Variants in ABL1 observed in about 807,000 individuals in gnomAD.
ABL1 encodes the protein ABL proto-oncogene 1, non-receptor tyrosine kinase, also known as tyrosine-protein kinase ABL1.
ABL1 carries 11 observed loss-of-function variants against 94.7 expected under a neutral mutation model. That is an observed-to-expected ratio of 0.12 (90% CI 0.07 to 0.19). The LOEUF is 0.19. ABL1 is among the 10% of genes least tolerant of loss of function. The pLI, the probability that ABL1 is intolerant of heterozygous loss-of-function variation, is 1.00. For missense variants in ABL1, 1,082 were observed against 1,489.4 expected, an observed-to-expected ratio of 0.73 and a Z score of 4.50; for synonymous variants, 656 against 622.4, an observed-to-expected ratio of 1.05 and a Z score of -0.80.
intron 4 of ABL1, among the ~76,000 whole-genome samples, chr9:130,868,982 A>G (rs913040707): frequency 6.6e-6 from 1 of 150,708 alleles, no homozygotes; most frequent in Admixed American, 6.6e-5. Flanking sequence ...CCTGGTTGAC[A>G]TGGTGAAACC....
chr9:130,771,009 A>T (rs1832244660), intron 1 of ABL1, among the ~76,000 whole-genome samples: 1 of 152,266 alleles, frequency 6.6e-6, no homozygotes, highest in South Asian at 2.1e-4. Context: ...AAGTAATGTT[A>T]TAAAATGTGT....
chr9:130,797,032 TCAAGA>T (rs1829984282), intron 1 of ABL1, among the ~76,000 whole-genome samples: 1 of 150,140 alleles, frequency 6.7e-6, no homozygotes, highest in Non-Finnish European at 1.5e-5. Context: ...GATCAGGAGT[TCAAGA>T]CCAGGGTGGC....
At chr9:130,820,946 T>C (rs936057417) in intron 1 of ABL1, among the ~76,000 whole-genome samples, 2 of 152,084 alleles carry the variant, frequency 1.3e-5, no homozygotes, top group Non-Finnish European at 2.9e-5. Flanking sequence ...TATTTTTTTT[T>C]CGAGACAGAG....
At chr9:130,844,415 C>G (rs1407425162) in intron 1 of ABL1, among the ~76,000 whole-genome samples, 1 of 152,076 alleles carries the variant, frequency 6.6e-6, no homozygotes, top group Admixed American at 6.5e-5. Context: ...AGTGGCATCT[C>G]TATTTATGAG....
chr9:130,750,786 A>G (rs1224859745), intron 1 of ABL1, among the ~76,000 whole-genome samples: 1 of 150,432 alleles, frequency 6.6e-6, no homozygotes, highest in Admixed American at 6.7e-5. Context: ...AGCTGGGATT[A>G]CAGGTGCTCG....
At chr9:130,793,091 AG>A (rs1226922870) in intron 1 of ABL1, among the ~76,000 whole-genome samples, 1 of 151,880 alleles carries the variant, frequency 6.6e-6, no homozygotes, top group African/African-American at 2.4e-5. Flanking sequence ...ATGCCCACCT[AG>A]TTTTTGTATT....
chr9:130,838,836 A>G (rs1401503387), intron 1 of ABL1, among the ~76,000 whole-genome samples: 5 of 152,154 alleles, frequency 3.3e-5, no homozygotes, highest in Non-Finnish European at 7.3e-5. Flanking sequence ...TTGTACATGT[A>G]TGTGACAGTT....
rs546740792 is a variant in ABL1 at position 130,853,889 on chromosome 9, G to C, written c.80-175G>C. On this transcript the variant is annotated intron_variant, in intron 1 of 10. Coordinates refer to ENST00000318560, the MANE Select transcript of ABL1 (RefSeq NM_005157.6). ...CTTAATTTCCACAAGATTTAGTAAAGGAAGAGTTTTTTAAAAACCACCTTA... is the reference window on the plus strand; with the variant it reads ...CTTAATTTCCACAAGATTTAGTAAACGAAGAGTTTTTTAAAAACCACCTTA... 1.1e-4 allele frequency among the ~76,000 whole-genome samples: 17 copies of C among 152,248 alleles called. 1 individual carries two copies. In the South Asian group the frequency reaches 3.1e-3, roughly 28 times the overall value.
chr9:130,856,994 C>T (rs761708037), intron 3 of ABL1, among the ~76,000 whole-genome samples: 17 of 152,220 alleles, frequency 1.1e-4, no homozygotes, highest in Non-Finnish European at 1.9e-4. Context: ...TTTTACACCA[C>T]CACCCAGCCC....
intron 1 of ABL1, among the ~76,000 whole-genome samples, chr9:130,798,966 CAAAAAAA>C (rs71389357): frequency 4.5e-5 from 3 of 66,840 alleles, no homozygotes; most frequent in East Asian, 3.7e-4. Context: ...GACTCCGTCT[CAAAAAAA>C]AAAAAAAAAA....
chr9:130,843,869 T>A (rs7851946), intron 1 of ABL1, among the ~76,000 whole-genome samples: 33,683 of 151,838 alleles, frequency 0.22, 4,673 homozygotes, highest in African/African-American at 0.39. Context: ...ATGCTCCCAG[T>A]CTCAACCCTG....
chr9:130,815,812 A>G (rs1830277568), intron 1 of ABL1, among the ~76,000 whole-genome samples: 2 of 152,156 alleles, frequency 1.3e-5, no homozygotes. Flanking sequence ...ACCTGAGGTC[A>G]GGAGTTCGAG....
chr9:130,762,909 CAAAAAAAA>C (rs5900905), intron 1 of ABL1, among the ~76,000 whole-genome samples: 6 of 92,878 alleles, frequency 6.5e-5, no homozygotes, highest in African/African-American at 2.1e-4. Context: ...GACTCCGTCT[CAAAAAAAA>C]AAAAAAAAAG....
At chr9:130,830,936 G>T (rs1830488210), upstream of ABL1, among the ~76,000 whole-genome samples, 1 of 152,134 alleles carries the variant, frequency 6.6e-6, no homozygotes, top group South Asian at 2.1e-4. Context: ...CTACCCGATT[G>T]AAAAAATGTG....
chr9:130,743,144 C>T (rs1186697129), intron 1 of ABL1, among the ~76,000 whole-genome samples: 2 of 152,210 alleles, frequency 1.3e-5, no homozygotes, highest in African/African-American at 4.8e-5. Context: ...GTGATATCGG[C>T]TCACTGCAAC....
At chr9:130,811,817 C>T (rs983215730) in intron 1 of ABL1, among the ~76,000 whole-genome samples, 1 of 143,194 alleles carries the variant, frequency 7.0e-6, no homozygotes, top group Non-Finnish European at 1.5e-5. Flanking sequence ...GAGGCTGAGG[C>T]AGGAGAATCA....
chr9:130,856,876 C>A (rs183688782), intron 3 of ABL1, among the ~76,000 whole-genome samples: 93 of 152,288 alleles, frequency 6.1e-4, no homozygotes, highest in African/African-American at 2.2e-3. Context: ...TAGTCCCCTG[C>A]TGGTTGACTT....
intron 1 of ABL1, chr9:130,714,592 A>C: frequency 1.7e-6 from 2 of 1,161,978 alleles, no homozygotes; most frequent in South Asian, 2.5e-5. Flanking sequence ...GTTATCTCTT[A>C]GTGGAACTTT....
chr9:130,800,992 A>G (rs1830047263), intron 1 of ABL1, among the ~76,000 whole-genome samples: 1 of 148,374 alleles, frequency 6.7e-6, no homozygotes, highest in Non-Finnish European at 1.5e-5. Context: ...GTGCAGAGGC[A>G]CGATCTCGGC....
Sources: gnomAD v4.1 joint callset for allele counts (sites outside exome capture counted in the v4.1 genomes callset) on GRCh38, gnomAD v4.1.1 for gene constraint, MANE v1.5 for transcripts, NCBI Gene and HGNC (gene_info 2026-07-23, HGNC 2026-07-21) for gene names.